Variants in CDK5RAP3 observed in about 807,000 individuals in gnomAD.
CDK5RAP3 encodes CDK5 regulatory subunit associated protein 3.
In CDK5RAP3, 58 loss-of-function variants were observed where a neutral mutation model predicts 73.3. That is an observed-to-expected ratio of 0.79 (90% confidence interval 0.64 to 0.98). The LOEUF (loss-of-function observed/expected upper bound fraction) is 0.98. CDK5RAP3 is among the 50% of genes least tolerant of loss of function. The pLI is 0.00. For synonymous variants in CDK5RAP3, 224 were observed against 247.5 expected, an observed-to-expected ratio of 0.91 and a Z score of 0.89; for missense variants, 525 against 615.8, an observed-to-expected ratio of 0.85 and a Z score of 1.56.
At chr17:47,971,063 C>A (rs1020371216), upstream of CDK5RAP3, 2 of 1,549,984 alleles carry the variant, frequency 1.3e-6, no homozygotes, top group Non-Finnish European at 1.7e-6. Context: ...TGTGTCTAAA[C>A]GGAGGCTCGG....
At chr17:47,970,652 C>A, upstream of CDK5RAP3, 4 of 1,535,488 alleles carry the variant, frequency 2.6e-6, no homozygotes, top group Admixed American at 2.0e-5. Context: ...AATGAGGAGG[C>A]AAAGCATGAC....
chr17:47,973,440 C>G (rs2036314437), intron 2 of CDK5RAP3, 79 bp from the exon 3 acceptor site: 1 of 1,517,884 alleles, frequency 6.6e-7, no homozygotes, highest in South Asian at 1.2e-5. Context: ...AGACTAATTT[C>G]AGTGTATTTC....
chr17:47,970,785 T>G, upstream of CDK5RAP3: 6 of 1,488,196 alleles, frequency 4.0e-6, no homozygotes, highest in Non-Finnish European at 5.4e-6. Context: ...TCAATCTGCG[T>G]GGAGAAGACC....
Position 47,975,540 on chromosome 17 carries a change from G to T in CDK5RAP3, c.540G>T (p.Leu180=). ...ITGENVRGEL[L]ALVKDLPSQL... is the part of the protein sequence containing the mutation. ...GCGAAAATGTCCGAGGAGAACTGCT[G>T]GCCCTGGTGAAGGACCTGCCGAGTC... The change falls in exon 7 of 14, where the codon CTG becomes CTT. Residue 180 remains leucine (L), a synonymous_variant. Transcript: ENST00000338399. The T allele has an allele frequency of 6.2e-7, 1 of 1,611,026 alleles. No individual in the cohort carries two copies.
chr17:47,970,849 C>G (rs2036241885), upstream of CDK5RAP3: 2 of 1,405,570 alleles, frequency 1.4e-6, no homozygotes, highest in African/African-American at 2.8e-5. Context: ...CGCCGCCTGT[C>G]GCAATCCCAC....
rs889692447 is a variant in CDK5RAP3 at position 47,981,684 on chromosome 17, G to T, written c.*182G>T. Reference sequence around the variant, plus strand: ...CTCCATGTTCTCTACAAGAAGCTGTGGTGATTGGCCCTGTGGTCTATCAGG... The same window carrying T: ...CTCCATGTTCTCTACAAGAAGCTGTTGTGATTGGCCCTGTGGTCTATCAGG... On this transcript the variant is annotated 3_prime_UTR_variant, in exon 14 of 14. Coordinates refer to ENST00000338399, the MANE Select transcript of CDK5RAP3 (RefSeq NM_176096.3). 34 of 1,536,356 alleles carry T rather than the reference G, an allele frequency of 2.2e-5. No individual in the cohort carries two copies. The African/African-American group carries it at 4.5e-4, about 20-fold the overall frequency.
upstream of CDK5RAP3, chr17:47,970,889 C>A: frequency 7.0e-7 from 1 of 1,436,426 alleles, no homozygotes; most frequent in Non-Finnish European, 9.2e-7. Context: ...CTCCCGTCCC[C>A]TGCCCTGAGC....
At chr17:47,974,610 T>C in intron 5 of CDK5RAP3, 162 bp downstream of exon 5, 1 of 1,447,480 alleles carries the variant, frequency 6.9e-7, no homozygotes. Context: ...TTGATGGAAT[T>C]GATTTTCCCT....
chr17:47,979,101 G>T, intron 11 of CDK5RAP3, 184 bp downstream of exon 11: 1 of 587,102 alleles, frequency 1.7e-6, no homozygotes, highest in South Asian at 2.1e-5. Flanking sequence ...GTACCTCCTA[G>T]GCACCTGGCA....
upstream of CDK5RAP3, chr17:47,970,986 G>A (rs1303684918): frequency 6.7e-7 from 1 of 1,482,166 alleles, no homozygotes; most frequent in East Asian, 2.5e-5. Flanking sequence ...GGGGCTTGAG[G>A]CCTGAGTGGA....
upstream of CDK5RAP3, chr17:47,971,031 A>G (rs575567319): frequency 1.6e-5 from 24 of 1,526,766 alleles, no homozygotes; most frequent in African/African-American, 5.5e-5. Context: ...GAAGGCGGCG[A>G]CGTGGCCGAA....
intron 9 of CDK5RAP3, among the ~76,000 whole-genome samples, chr17:47,977,110 A>G (rs1158499106): frequency 1.3e-5 from 2 of 150,844 alleles, no homozygotes; most frequent in African/African-American, 4.9e-5. Context: ...AGTAGCTGTG[A>G]TTATAGGCGC....
intron 5 of CDK5RAP3, chr17:47,974,788 C>G: frequency 7.8e-7 from 1 of 1,275,814 alleles, no homozygotes; most frequent in African/African-American, 1.5e-5. Flanking sequence ...AGAAGAGGCA[C>G]GGGTTTTTCT....
intron 8 of CDK5RAP3, chr17:47,976,462 C>G (rs985120754): frequency 2.5e-6 from 1 of 400,564 alleles, no homozygotes; most frequent in African/African-American, 2.1e-5. Flanking sequence ...CAGCCTCAAG[C>G]GATCCTCCCA....
At chr17:47,980,952 A>G in intron 12 of CDK5RAP3, 154 bp downstream of exon 12, 1 of 880,376 alleles carries the variant, frequency 1.1e-6, no homozygotes, top group Non-Finnish European at 1.8e-6. Flanking sequence ...CAAGAGGGGG[A>G]GGTTTCACAT....
rs911908875 is a variant in CDK5RAP3, at chr17:47,975,494, A to G, written c.514-20A>G. 10 of 1,609,698 alleles carry G rather than the reference A, an allele frequency of 6.2e-6. No individual in the cohort carries two copies. The highest frequency in any genetic ancestry group is 8.5e-6 in the Non-Finnish European group (10 of 1,179,956). On this transcript the variant is annotated intron_variant, in intron 6 of 13. Transcript: ENST00000338399. ...TGTTTTCTTCAATCTGTTGGACTCCACCTCTTCTCCCCTCTCTAGGGCGAA... is the reference window on the plus strand; with the variant it reads ...TGTTTTCTTCAATCTGTTGGACTCCGCCTCTTCTCCCCTCTCTAGGGCGAA...
At chr17:47,977,740 C>T (rs2597173) in intron 9 of CDK5RAP3, 92 bp from the exon 10 acceptor site, 731,052 of 1,016,874 alleles carry the variant, frequency 0.72, 265,787 homozygotes, top group East Asian at 0.78. Context: ...GAATGTGCAG[C>T]CATTGACCTC....
chr17:47,974,724 A>G, intron 5 of CDK5RAP3: 1 of 1,331,878 alleles, frequency 7.5e-7, no homozygotes, highest in African/African-American at 1.5e-5. Flanking sequence ...CCTCTTGGTT[A>G]GCGGGAGTGT....
intron 11 of CDK5RAP3, 32 bp downstream of exon 11, chr17:47,978,949 G>A (rs1364639652): frequency 1.3e-6 from 2 of 1,558,510 alleles, no homozygotes; most frequent in Non-Finnish European, 1.8e-6. Context: ...GCAGGGGGGA[G>A]GCATGGCACC....
Sources: allele counts gnomAD v4.1 joint callset (sites outside exome capture counted in the v4.1 genomes callset), GRCh38; gene constraint gnomAD v4.1.1; transcripts MANE v1.5; gene names NCBI Gene and HGNC (gene_info 2026-07-23, HGNC 2026-07-21).